RPS6KA6: variants seen among roughly 807,000 people sequenced by gnomAD.
RPS6KA6 encodes ribosomal protein S6 kinase alpha-6.
A neutral mutation model predicts 65.4 loss-of-function variants in RPS6KA6; 27 were observed. That is an observed-to-expected ratio of 0.41 (90% confidence interval 0.30 to 0.57). RPS6KA6 has a LOEUF of 0.57. RPS6KA6 is among the 20% of genes least tolerant of loss of function. The probability of loss-of-function intolerance (pLI) is 0.24; values close to 1 mark genes in which losing one functional copy is unlikely to be tolerated. For synonymous variants in RPS6KA6, 190 were observed against 184.2 expected, an observed-to-expected ratio of 1.03 and a Z score of -0.26; for missense variants, 486 against 555.6, an observed-to-expected ratio of 0.87 and a Z score of 1.26.
rs776222866 is a variant in RPS6KA6, at chrX:84,065,043, G to A, written c.2040C>T (p.His680=). Reference sequence around the variant, plus strand: ...ACTGGTCTCTGTGAGTTATCCATGAGTGCTTTAATATTTGTTCAGCAGTAT... The same window carrying A: ...ACTGGTCTCTGTGAGTTATCCATGAATGCTTTAATATTTGTTCAGCAGTAT... ...QRYTAEQILK[H]SWITHRDQLP... is the part of the protein sequence containing the mutation. Residue 680 remains histidine (H), a synonymous_variant, in exon 21 of 22, where the codon CAC becomes CAT. Coordinates refer to ENST00000262752, the MANE Select transcript of RPS6KA6 (RefSeq NM_014496.5). 1 of 1,202,203 alleles carries A rather than the reference G, an allele frequency of 8.3e-7. No homozygotes were observed. Among genetic ancestry groups the A allele is most frequent in the South Asian group, 1.8e-5 (1 of 56,568 alleles).
intron 3 of RPS6KA6, among the ~76,000 whole-genome samples, chrX:84,151,237 GGATA>G (rs1414798950): frequency 3.2e-5 from 3 of 94,868 alleles, no homozygotes; most frequent in Admixed American, 1.2e-4. Context: ...TAGATATATA[GGATA>G]TATATAGATA....
At chrX:84,088,767 C>T (rs1465785538) in intron 20 of RPS6KA6, among the ~76,000 whole-genome samples, 3 of 112,379 alleles carry the variant, frequency 2.7e-5, no homozygotes, top group African/African-American at 9.7e-5. Context: ...TACCCCTTCC[C>T]CGGGGGCCCT....
chrX:84,180,899 A>T (rs1014272106), intron 1 of RPS6KA6, among the ~76,000 whole-genome samples: 1 of 111,892 alleles, frequency 8.9e-6, no homozygotes. Flanking sequence ...TTTCCTACTA[A>T]CTTGCATGTA....
In RPS6KA6 at chrX:84,063,862, C is replaced by G. The variant is rs943358076; in HGVS notation, c.*415G>C. On this transcript the variant is annotated 3_prime_UTR_variant, in exon 22 of 22. Transcript: ENST00000262752. ...TTTTCTTTCATTAGAAAAAGCCTAT[C>G]CTTCAGGATCTGATGTTTAAAAATA... is the stretch of plus-strand genomic sequence containing the variant. The G allele has an allele frequency of 3.6e-5, 4 of 112,494 alleles. No individual in the cohort carries two copies. The East Asian group carries it at 1.1e-3, about 31-fold the overall frequency. 9.3% of individuals were successfully genotyped at this position (112,494 alleles called of 1,213,427 possible).
At chrX:84,183,609 C>A (rs910609556) in intron 1 of RPS6KA6, among the ~76,000 whole-genome samples, 1 of 111,788 alleles carries the variant, frequency 8.9e-6, no homozygotes, top group Admixed American at 9.5e-5. Flanking sequence ...CTCACTATAT[C>A]CCCTCTCCCA....
intron 12 of RPS6KA6, among the ~76,000 whole-genome samples, chrX:84,115,306 C>T (rs1269018446): frequency 3.6e-5 from 4 of 111,493 alleles, no homozygotes; most frequent in African/African-American, 9.8e-5. Context: ...GATATGAACA[C>T]GCATTTTACA....
In RPS6KA6 at chrX:84,146,960, T is replaced by TA. The variant is rs761539731; in HGVS notation, c.421+17dup. 2.1e-6 allele frequency: 2 copies of TA among 936,116 alleles called. No homozygotes were observed. The highest frequency in any genetic ancestry group is 3.0e-6 in the Non-Finnish European group (2 of 670,711). 77.1% of individuals were successfully genotyped at this position (936,116 alleles called of 1,213,427 possible). The stretch of plus-strand genomic sequence containing the variant: ...ATAAGGATTAAAATAAATAAAAGAA[T>TA]AAAAAAAGATTACATACCATAGTGC... On this transcript the variant is annotated intron_variant, in intron 5 of 21. Transcript: ENST00000262752.
At chrX:84,096,131 T>C in intron 20 of RPS6KA6, 63 bp downstream of exon 20, 5 of 704,576 alleles carry the variant, frequency 7.1e-6, no homozygotes, top group Non-Finnish European at 1.1e-5. Flanking sequence ...CACACTAAGC[T>C]ATAACTTAGG....
chrX:84,082,592 ATTACT>A (rs1280794001), intron 20 of RPS6KA6, among the ~76,000 whole-genome samples: 1 of 112,024 alleles, frequency 8.9e-6, no homozygotes, highest in Non-Finnish European at 1.9e-5. Context: ...ATTAGAAAAA[ATTACT>A]TTAAATTGCA....
intron 1 of RPS6KA6, among the ~76,000 whole-genome samples, chrX:84,180,141 TAAGTA>T (rs2035828958): frequency 8.9e-6 from 1 of 111,794 alleles, no homozygotes. Context: ...TCTGATCCTT[TAAGTA>T]GAGTAATAAA....
At chrX:84,157,961 A>T (rs1171334920) in intron 2 of RPS6KA6, among the ~76,000 whole-genome samples, 1 of 109,328 alleles carries the variant, frequency 9.1e-6, no homozygotes, top group African/African-American at 3.3e-5. Flanking sequence ...CAATATGAAA[A>T]TGCAACTAGA....
At position 84,083,762 on chromosome X, in the gene RPS6KA6, G is replaced by T. The variant is rs754492499; in HGVS notation, c.1971+12432C>A. 1.2e-3 allele frequency among the ~76,000 whole-genome samples: 133 copies of T among 112,043 alleles called. 1 individual carries two copies. Among genetic ancestry groups the T allele is most frequent in the Non-Finnish European group, 2.3e-3 (124 of 53,175 alleles). ...AGTAATGGGATTGCTGGGTCAAATG[G>T]TATTTCTCATTCTAGTTCACTGAGG... On this transcript the variant is annotated intron_variant, in intron 20 of 21. Coordinates refer to ENST00000262752, the MANE Select transcript of RPS6KA6 (RefSeq NM_014496.5).
intron 12 of RPS6KA6, among the ~76,000 whole-genome samples, chrX:84,112,874 C>A (rs918157182): frequency 2.7e-5 from 3 of 111,509 alleles, no homozygotes; most frequent in African/African-American, 9.8e-5. Context: ...AAATGAGAAG[C>A]TGGTTCTTTG....
chrX:84,097,458 T>A (rs1357374679), intron 19 of RPS6KA6, among the ~76,000 whole-genome samples: 1 of 111,118 alleles, frequency 9.0e-6, no homozygotes, highest in Non-Finnish European at 1.9e-5. Context: ...AGTGGGCAAG[T>A]TGTTGGTGAA....
At chrX:84,145,434 A>G (rs775621507) in intron 6 of RPS6KA6, 44 bp downstream of exon 6, 22 of 824,380 alleles carry the variant, frequency 2.7e-5, no homozygotes, top group Non-Finnish European at 2.6e-5. Flanking sequence ...GATTTTTCTT[A>G]GTTTTGTTTT....
chrX:84,073,361 T>C lies in RPS6KA6; in HGVS notation c.1972-8250A>G, dbSNP rs145412390. 7.1e-5 allele frequency among the ~76,000 whole-genome samples: 8 copies of C among 112,057 alleles called. No homozygotes were observed. In the East Asian group the frequency reaches 2.3e-3, roughly 32 times the overall value. ...AAAACTAGACCAACATCTCTTACCATATATAAAAATCAACACAAAATGGAT... is the reference window on the plus strand; with the variant it reads ...AAAACTAGACCAACATCTCTTACCACATATAAAAATCAACACAAAATGGAT... On this transcript the variant is annotated intron_variant, in intron 20 of 21. Transcript: ENST00000262752.
chrX:84,146,415 AATAG>A (rs1569233342), intron 5 of RPS6KA6, among the ~76,000 whole-genome samples: 2 of 112,040 alleles, frequency 1.8e-5, no homozygotes, highest in Non-Finnish European at 3.8e-5. Context: ...ACGATAGATA[AATAG>A]ATAGAGTTGA....
intron 1 of RPS6KA6, among the ~76,000 whole-genome samples, chrX:84,181,510 A>C (rs181451745): frequency 1.3e-3 from 144 of 112,397 alleles, no homozygotes; most frequent in African/African-American, 4.6e-3. Context: ...CAGATAATTT[A>C]CTGCAGAGCT....
chrX:84,156,800 G>C (rs1400453148), intron 2 of RPS6KA6, among the ~76,000 whole-genome samples: 3 of 111,406 alleles, frequency 2.7e-5, no homozygotes, highest in Non-Finnish European at 5.7e-5. Context: ...CCAGTGAGTG[G>C]TTCTTCCCCT....
Sources: gnomAD v4.1 joint callset for allele counts (sites outside exome capture counted in the v4.1 genomes callset) on GRCh38, gnomAD v4.1.1 for gene constraint, MANE v1.5 for transcripts, NCBI Gene and HGNC (gene_info 2026-07-23, HGNC 2026-07-21) for gene names.